GLIS3: variants seen among roughly 807,000 people sequenced by gnomAD.
GLIS3 encodes zinc finger protein GLIS3.
GLIS3 carries 53 observed loss-of-function variants against 78.6 expected under a neutral mutation model. That is an observed-to-expected ratio of 0.67 (90% CI 0.54 to 0.85). The LOEUF (loss-of-function observed/expected upper bound fraction) is 0.85, where lower values mean the gene tolerates loss of function less well. Ranked by LOEUF, GLIS3 falls within the 40% of genes least tolerant of loss-of-function variation. The pLI is 0.00. For missense variants in GLIS3, 1,703 were observed against 1,231.1 expected (o/e 1.38, Z -5.74); for synonymous variants, 684 against 509.9 (o/e 1.34, Z -4.60).
chr9:4,255,962 G>A (rs1024769328), intron 2 of GLIS3, among the ~76,000 whole-genome samples: 1 of 152,132 alleles, frequency 6.6e-6, no homozygotes, highest in Non-Finnish European at 1.5e-5. Flanking sequence ...ATGCGTGCAG[G>A]GAGTATATGG....
intron 2 of GLIS3, among the ~76,000 whole-genome samples, chr9:4,129,273 T>G (rs1195742232): frequency 6.6e-6 from 1 of 152,164 alleles, no homozygotes; most frequent in East Asian, 1.9e-4. Flanking sequence ...GCAAATTACT[T>G]AACATTTTTG....
chr9:3,922,138 G>A (rs893123469), intron 6 of GLIS3, among the ~76,000 whole-genome samples: 14 of 152,160 alleles, frequency 9.2e-5, no homozygotes, highest in Admixed American at 7.2e-4. Flanking sequence ...GTTCATGATA[G>A]TACAATCTTT....
In GLIS3 at chr9:4,111,836, T is replaced by A. The variant is rs950580891; in HGVS notation, c.1710+5932A>T. 2.0e-5 allele frequency among the ~76,000 whole-genome samples: 3 copies of A among 152,260 alleles called. No individual in the cohort carries two copies. The East Asian group carries it at 5.8e-4, about 29-fold the overall frequency. ...TTGGAAGCTACACTCACTCTGATCT[T>A]TACCAGATGTTCACTGGTGGTGTTT... is the stretch of plus-strand genomic sequence containing the variant. On this transcript the variant is annotated intron_variant, in intron 4 of 10. Transcript: ENST00000381971.
At chr9:4,101,015 G>C (rs1220709655) in intron 4 of GLIS3, among the ~76,000 whole-genome samples, 1 of 152,188 alleles carries the variant, frequency 6.6e-6, no homozygotes, top group Non-Finnish European at 1.5e-5. Context: ...GAAAACAGCA[G>C]AGTATGAAAT....
the GLIS3 span, among the ~76,000 whole-genome samples, chr9:4,394,007 G>C: frequency 1.3e-5 from 2 of 151,920 alleles, no homozygotes; most frequent in South Asian, 2.1e-4. Context: ...TTCTGAATGA[G>C]CCAGTAGAGG....
intron 7 of GLIS3, among the ~76,000 whole-genome samples, chr9:3,889,537 T>C (rs981917491): frequency 6.6e-6 from 1 of 152,228 alleles, no homozygotes; most frequent in African/African-American, 2.4e-5. Flanking sequence ...AATCTGCATG[T>C]ATTACATGAT....
the GLIS3 span, among the ~76,000 whole-genome samples, chr9:4,405,543 G>C: frequency 2.4e-3 from 372 of 152,154 alleles, 1 homozygote; most frequent in Non-Finnish European, 3.5e-3. Flanking sequence ...TCCAAAACCT[G>C]AACAGACCAA....
At chr9:4,033,709 G>C (rs557365952) in intron 4 of GLIS3, among the ~76,000 whole-genome samples, 2 of 152,074 alleles carry the variant, frequency 1.3e-5, no homozygotes, top group East Asian at 3.9e-4. Context: ...TACTAAAACA[G>C]GGACCTATTT....
At chr9:4,011,168 T>C (rs959354416) in intron 4 of GLIS3, among the ~76,000 whole-genome samples, 37 of 152,250 alleles carry the variant, frequency 2.4e-4, no homozygotes, top group Admixed American at 2.0e-3. Flanking sequence ...GCCAGTTTTA[T>C]GCATAGGAAG....
At chr9:4,128,353 A>G (rs1017686709) in intron 2 of GLIS3, among the ~76,000 whole-genome samples, 5 of 152,200 alleles carry the variant, frequency 3.3e-5, no homozygotes, top group African/African-American at 1.2e-4. Context: ...AACTCTTTAC[A>G]TGCCTGCCAT....
the GLIS3 span, among the ~76,000 whole-genome samples, chr9:4,356,023 T>G: frequency 6.7e-6 from 1 of 150,264 alleles, no homozygotes; most frequent in South Asian, 2.1e-4. Flanking sequence ...TCAGTAAAAT[T>G]AGTTAGTCAA....
chr9:3,858,431 A>C (rs946803658), intron 8 of GLIS3, among the ~76,000 whole-genome samples: 9 of 152,198 alleles, frequency 5.9e-5, no homozygotes, highest in African/African-American at 2.2e-4. Context: ...TTGAATAAAG[A>C]AAAAAATATG....
intron 6 of GLIS3, among the ~76,000 whole-genome samples, chr9:3,919,692 G>T (rs1303572101): frequency 6.7e-6 from 1 of 150,192 alleles, no homozygotes; most frequent in African/African-American, 2.4e-5. Flanking sequence ...AAAATGAAAT[G>T]AAATGGGATC....
At chr9:4,457,902 C>T in the GLIS3 span, among the ~76,000 whole-genome samples, 12 of 151,686 alleles carry the variant, frequency 7.9e-5, 1 homozygote, top group East Asian at 2.3e-3. Context: ...GTTAAAAATC[C>T]AAGACCTAAG....
chr9:4,286,499 G>T lies in GLIS3; in HGVS notation c.-74C>A. On this transcript the variant is annotated 5_prime_UTR_variant, in exon 2 of 11. Transcript: ENST00000381971. ...ACTCCTTTCAGGCAAAGTCCAATAAGTTATCCATGGTGTGGGTTATAAGCC... is the reference window on the plus strand; with the variant it reads ...ACTCCTTTCAGGCAAAGTCCAATAATTTATCCATGGTGTGGGTTATAAGCC... 6.4e-7 allele frequency: 1 copy of T among 1,554,216 alleles called. No homozygotes were observed. Among genetic ancestry groups the T allele is most frequent in the Non-Finnish European group, 8.8e-7 (1 of 1,134,608 alleles).
intron 8 of GLIS3, among the ~76,000 whole-genome samples, chr9:3,860,915 G>A (rs1399717314): frequency 1.3e-5 from 2 of 152,152 alleles, no homozygotes; most frequent in Non-Finnish European, 2.9e-5. Context: ...AGTAAGGGGA[G>A]ACAGGCAGTG....
intron 7 of GLIS3, among the ~76,000 whole-genome samples, chr9:3,886,052 C>T (rs938853115): frequency 6.6e-6 from 1 of 152,204 alleles, no homozygotes; most frequent in Non-Finnish European, 1.5e-5. Flanking sequence ...CTCAAGAAAC[C>T]ACTGTTGCTA....
chr9:4,211,505 G>A (rs573195902), intron 2 of GLIS3, among the ~76,000 whole-genome samples: 2 of 152,350 alleles, frequency 1.3e-5, no homozygotes, highest in Admixed American at 1.3e-4. Flanking sequence ...ACCAGACGGA[G>A]GGATGAAAGG....
At chr9:4,365,897 G>C in the GLIS3 span, among the ~76,000 whole-genome samples, 1 of 152,210 alleles carries the variant, frequency 6.6e-6, no homozygotes, top group Non-Finnish European at 1.5e-5. Context: ...GGAGCTACGA[G>C]AATGTGATGG....
Sources: gnomAD v4.1 joint callset for allele counts (sites outside exome capture counted in the v4.1 genomes callset) on GRCh38, gnomAD v4.1.1 for gene constraint, MANE v1.5 for transcripts, NCBI Gene and HGNC (gene_info 2026-07-23, HGNC 2026-07-21) for gene names.